Variants in CNTN1 observed in about 807,000 individuals in gnomAD.
CNTN1 encodes the protein contactin-1.
In CNTN1, 38 loss-of-function variants were observed where a neutral mutation model predicts 126.4. That is an observed-to-expected ratio of 0.30 (90% CI 0.23 to 0.39). The LOEUF (loss-of-function observed/expected upper bound fraction) is 0.39, where lower values mean the gene tolerates loss of function less well. Among genes scored for constraint, CNTN1 ranks in the 10% least tolerant of loss-of-function variants. The pLI, the probability that CNTN1 is intolerant of heterozygous loss-of-function variation, is 1.00. For missense variants in CNTN1, 1,009 were observed against 1,248.4 expected, an observed-to-expected ratio of 0.81 and a Z score of 2.89; for synonymous variants, 413 against 422.6, an observed-to-expected ratio of 0.98 and a Z score of 0.28.
At chr12:40,733,941 G>T (rs1388125751) in intron 1 of CNTN1, among the ~76,000 whole-genome samples, 5 of 152,042 alleles carry the variant, frequency 3.3e-5, no homozygotes. Context: ...TATATTTGGT[G>T]ATTCACTGCT....
chr12:40,806,665 T>C (rs1940869960), intron 1 of CNTN1, among the ~76,000 whole-genome samples: 1 of 152,184 alleles, frequency 6.6e-6, no homozygotes, highest in Non-Finnish European at 1.5e-5. Context: ...TCAGATGTCC[T>C]GAGCTATTTC....
intron 14 of CNTN1, among the ~76,000 whole-genome samples, chr12:40,945,991 T>C (rs1946422864): frequency 6.6e-6 from 1 of 152,152 alleles, no homozygotes; most frequent in African/African-American, 2.4e-5. Context: ...TAGATAAGCA[T>C]CTTAATTGAA....
chr12:40,999,751 G>T (rs966019254), intron 17 of CNTN1, among the ~76,000 whole-genome samples: 7 of 141,122 alleles, frequency 5.0e-5, no homozygotes, highest in Non-Finnish European at 9.0e-5. Flanking sequence ...CGCCCAGGCT[G>T]GAGTGCAGTG....
At chr12:40,826,554 G>A (rs1280961979) in intron 1 of CNTN1, among the ~76,000 whole-genome samples, 1 of 152,154 alleles carries the variant, frequency 6.6e-6, no homozygotes, top group African/African-American at 2.4e-5. Flanking sequence ...TATCAGTCAA[G>A]TGCAACTGTC....
intron 1 of CNTN1, among the ~76,000 whole-genome samples, chr12:40,810,674 A>C (rs1941029333): frequency 6.6e-6 from 1 of 151,832 alleles, no homozygotes; most frequent in African/African-American, 2.4e-5. Flanking sequence ...CAGTTAGCAT[A>C]ATGTTCTCCA....
At chr12:40,941,455 G>A (rs556230910) in intron 12 of CNTN1, among the ~76,000 whole-genome samples, 7 of 152,030 alleles carry the variant, frequency 4.6e-5, no homozygotes, top group South Asian at 2.1e-4. Flanking sequence ...ACATTTCCAC[G>A]TAACTAAGTT....
At chr12:40,751,696 G>A (rs1289943488) in intron 1 of CNTN1, among the ~76,000 whole-genome samples, 1 of 152,032 alleles carries the variant, frequency 6.6e-6, no homozygotes, top group African/African-American at 2.4e-5. Context: ...ATACTAGGGT[G>A]TCAGAAGACT....
At chr12:40,804,663 G>T (rs1395713594) in intron 1 of CNTN1, among the ~76,000 whole-genome samples, 1 of 151,894 alleles carries the variant, frequency 6.6e-6, no homozygotes, top group African/African-American at 2.4e-5. Context: ...AGGTTATAGG[G>T]TCTTCAGAAT....
At chr12:41,005,697 G>T (rs931805125) in intron 17 of CNTN1, among the ~76,000 whole-genome samples, 3 of 151,904 alleles carry the variant, frequency 2.0e-5, no homozygotes, top group African/African-American at 7.3e-5. Flanking sequence ...TATTTCCTCT[G>T]CTTGGTCTAT....
intron 15 of CNTN1, among the ~76,000 whole-genome samples, chr12:40,973,644 C>T (rs1271251446): frequency 6.6e-6 from 1 of 152,100 alleles, no homozygotes; most frequent in African/African-American, 2.4e-5. Context: ...TTCCTACTTA[C>T]ACCAGTTCTG....
intron 1 of CNTN1, among the ~76,000 whole-genome samples, chr12:40,866,503 G>C (rs1031199661): frequency 6.6e-6 from 1 of 152,046 alleles, no homozygotes; most frequent in Non-Finnish European, 1.5e-5. Flanking sequence ...AGTTTAGTAA[G>C]CATTTTTATT....
intron 1 of CNTN1, among the ~76,000 whole-genome samples, chr12:40,871,759 T>C (rs1943504138): frequency 6.6e-6 from 1 of 152,188 alleles, no homozygotes; most frequent in Non-Finnish European, 1.5e-5. Flanking sequence ...CCAACTTGCA[T>C]AATTCTAAGA....
At chr12:40,908,545 A>G in intron 2 of CNTN1, 52 bp downstream of exon 2, 1 of 1,260,842 alleles carries the variant, frequency 7.9e-7, no homozygotes, top group Non-Finnish European at 1.1e-6. Context: ...CATAATTGAT[A>G]TGCGTGTTTA....
chr12:40,852,724 C>G (rs1216388143), intron 1 of CNTN1, among the ~76,000 whole-genome samples: 1 of 151,964 alleles, frequency 6.6e-6, no homozygotes, highest in Non-Finnish European at 1.5e-5. Context: ...GTCTTGAATT[C>G]CCTCTTCTCC....
At chr12:40,774,838 G>A (rs1161920567) in intron 1 of CNTN1, among the ~76,000 whole-genome samples, 1 of 150,880 alleles carries the variant, frequency 6.6e-6, no homozygotes, top group African/African-American at 2.4e-5. Context: ...AGAAATTAGA[G>A]CAACTAAGTC....
intron 14 of CNTN1, among the ~76,000 whole-genome samples, chr12:40,956,243 G>A (rs35462205): frequency 0.033 from 5,078 of 152,146 alleles, 110 homozygotes; most frequent in Middle Eastern, 0.11. Context: ...AGAAGACAGC[G>A]CATACAGCTG....
intron 10 of CNTN1, 118 bp from the exon 11 acceptor site, chr12:40,937,452 A>G (rs762903016): frequency 1.4e-6 from 1 of 735,816 alleles, no homozygotes; most frequent in Non-Finnish European, 2.4e-6. Flanking sequence ...CATCTTAGGT[A>G]ACAGTGGGGG....
chr12:40,844,085 T>TTTTTTTTTTTTTTTTTTTTG (rs1942402633), intron 1 of CNTN1, among the ~76,000 whole-genome samples: 1 of 144,916 alleles, frequency 6.9e-6, no homozygotes, highest in African/African-American at 2.5e-5. Flanking sequence ...TTTTTTTTTT[T>TTTTTTTTTTTTTTTTTTTTG]GAGACGGAGT....
At chr12:40,724,961 G>A (rs1942310334) in intron 1 of CNTN1, among the ~76,000 whole-genome samples, 1 of 152,134 alleles carries the variant, frequency 6.6e-6, no homozygotes, top group Non-Finnish European at 1.5e-5. Flanking sequence ...AATTCTCCTG[G>A]AACTCAGAAA....
Sources: allele counts gnomAD v4.1 joint callset (sites outside exome capture counted in the v4.1 genomes callset), GRCh38; gene constraint gnomAD v4.1.1; transcripts MANE v1.5; gene names NCBI Gene and HGNC (gene_info 2026-07-23, HGNC 2026-07-21).